The following VWC2 variants were observed in gnomAD, a reference collection of about 807,000 sequenced individuals.
VWC2 encodes von Willebrand factor C domain containing 2, also known as brorin.
Under a neutral mutation model 29.8 loss-of-function variants are expected in VWC2, and 14 were observed. That is an observed-to-expected ratio of 0.47 (90% CI 0.31 to 0.74). The LOEUF is 0.74. Among genes scored for constraint, VWC2 ranks in the 30% least tolerant of loss-of-function variants. VWC2 has a pLI of 0.05. For synonymous variants in VWC2, 213 were observed against 199.0 expected (o/e 1.07, Z -0.59); for missense variants, 457 against 459.8 (o/e 0.99, Z 0.05).
intron 3 of VWC2, among the ~76,000 whole-genome samples, chr7:49,903,393 C>A (rs1792885026): frequency 6.6e-6 from 1 of 152,200 alleles, no homozygotes; most frequent in South Asian, 2.1e-4. Flanking sequence ...CCATGGAATA[C>A]AACTTACCTG....
At chr7:49,908,240 A>G (rs1381756477) in intron 3 of VWC2, among the ~76,000 whole-genome samples, 1 of 152,130 alleles carries the variant, frequency 6.6e-6, no homozygotes, top group African/African-American at 2.4e-5. Flanking sequence ...TGAATTCCAA[A>G]AGGAGGAGGT....
intron 3 of VWC2, among the ~76,000 whole-genome samples, chr7:49,897,174 C>T (rs1391044603): frequency 1.3e-5 from 2 of 152,046 alleles, no homozygotes; most frequent in Non-Finnish European, 2.9e-5. Context: ...GGATTACAGG[C>T]GTGAGCCACC....
In VWC2 at chr7:49,842,551, C is replaced by A. The variant is rs537785388; in HGVS notation, c.826+39711C>A. ...TCAGTGACACAACAGTGAATCCACACCCTTACCTGTAGGATGCTTCCAGAA... is the reference window on the plus strand; with the variant it reads ...TCAGTGACACAACAGTGAATCCACAACCTTACCTGTAGGATGCTTCCAGAA... On this transcript the variant is annotated intron_variant, in intron 3 of 3. Transcript: ENST00000340652. Among the ~76,000 whole-genome samples, 20 of 152,250 alleles carry A rather than the reference C, an allele frequency of 1.3e-4. 1 individual carries two copies. In the South Asian group the frequency reaches 4.1e-3, roughly 32 times the overall value.
chr7:49,798,101 A>G (rs984614063), intron 2 of VWC2, among the ~76,000 whole-genome samples: 3 of 152,246 alleles, frequency 2.0e-5, no homozygotes, highest in African/African-American at 7.2e-5. Flanking sequence ...TGCAGAGTAA[A>G]TGATGTGCTC....
chr7:49,852,021 G>A (rs945848231), intron 3 of VWC2, among the ~76,000 whole-genome samples: 1 of 152,150 alleles, frequency 6.6e-6, no homozygotes, highest in African/African-American at 2.4e-5. Flanking sequence ...TGTCAGCCTA[G>A]GGTCCGGATT....
Position 49,775,629 on chromosome 7 carries a change from C to T in VWC2, c.194C>T (p.Pro65Leu), listed in dbSNP as rs572402721. ...GPGRVNELGRPARDEGGSGRD... is the reference protein window; with the variant it reads ...GPGRVNELGRLARDEGGSGRD... ...GGGCGGGTGAACGAGCTCGGGCGCC[C>T]GGCGAGGGACGAGGGCGGCAGCGGC... Residue 65 changes from proline to leucine, a missense_variant, in exon 2 of 4, where the codon CCG becomes CTG. By Grantham distance (98) the Pro-to-Leu change is moderately conservative. Transcript: ENST00000340652. The T allele has an allele frequency of 4.6e-6, 7 of 1,529,052 alleles. No homozygotes were observed. The highest frequency in any genetic ancestry group is 5.3e-6 in the Non-Finnish European group (6 of 1,141,040). The allele number at this position is 1,529,052 out of a possible 1,614,324, so 94.7% of individuals were successfully genotyped here. A position where few individuals can be genotyped will look rare whatever the true frequency, so the allele number is the denominator to read the frequency against.
In VWC2 at chr7:49,802,817, A is replaced by G; in HGVS notation, c.803A>G (p.Gln268Arg). ...GTGGACCCTGTGTACGAGCCTGATCAGTGCTGTCCCATCTGCAAAAATGGT... is the reference window on the plus strand; with the variant it reads ...GTGGACCCTGTGTACGAGCCTGATCGGTGCTGTCCCATCTGCAAAAATGGT... The part of the protein sequence containing the change: ...ECVDPVYEPD[Q>R]CCPICKNGPN... Residue 268 changes from glutamine (Q) to arginine (R), a missense_variant, in exon 3 of 4, where the codon CAG (glutamine) becomes CGG (arginine). Physicochemically the swap from Gln to Arg is conservative, Grantham distance 43 (BLOSUM62 1). This residue lies in a region of VWC2 where 185 missense variants were observed against 257.1 expected (regional missense o/e 0.72). Coordinates refer to ENST00000340652, the MANE Select transcript of VWC2 (RefSeq NM_198570.5). 1.2e-6 allele frequency: 2 copies of G among 1,614,220 alleles called. No homozygotes were observed. The highest frequency in any genetic ancestry group is 1.7e-6 in the Non-Finnish European group (2 of 1,180,036).
At chr7:49,841,253 T>C (rs959262564) in intron 3 of VWC2, among the ~76,000 whole-genome samples, 3 of 151,870 alleles carry the variant, frequency 2.0e-5, no homozygotes, top group African/African-American at 4.8e-5. Context: ...CTTAGGCTTG[T>C]GGCCATGTTT....
chr7:49,811,888 T>C (rs1789018598), intron 3 of VWC2, among the ~76,000 whole-genome samples: 1 of 152,194 alleles, frequency 6.6e-6, no homozygotes, highest in South Asian at 2.1e-4. Flanking sequence ...TTATTATTCC[T>C]AGAATTATTA....
intron 3 of VWC2, among the ~76,000 whole-genome samples, chr7:49,896,455 C>T (rs1203090517): frequency 1.3e-5 from 2 of 151,986 alleles, no homozygotes; most frequent in South Asian, 4.2e-4. Flanking sequence ...ATTCCTAAAT[C>T]AATAATTAAG....
In VWC2 at chr7:49,921,333, A is replaced by G. The variant is rs1382522547; in HGVS notation, c.*9148A>G. The G allele has an allele frequency of 6.6e-6, 1 of 152,246 alleles. No individual in the cohort carries two copies. The highest frequency in any genetic ancestry group is 2.4e-5 in the African/African-American group (1 of 41,472). 9.4% of individuals were successfully genotyped at this position (152,246 alleles called of 1,614,324 possible). On this transcript the variant is annotated 3_prime_UTR_variant, in exon 4 of 4. Transcript: ENST00000340652. The stretch of plus-strand genomic sequence containing the variant: ...CTGGCCTGAGCCTTACTCCATAGCT[A>G]TAGAGACATAGTCTCTAGAAACAAA...
At position 49,872,978 on chromosome 7, in the gene VWC2, C is replaced by A. The variant is rs550816278; in HGVS notation, c.827-39056C>A. 1.7e-3 allele frequency among the ~76,000 whole-genome samples: 228 copies of A among 135,030 alleles called. 3 individuals carry two copies. The highest frequency in any genetic ancestry group is 5.8e-3 in the African/African-American group (218 of 37,518). 88.6% of individuals were successfully genotyped at this position (135,030 alleles called of 152,430 possible). On this transcript the variant is annotated intron_variant, in intron 3 of 3. Transcript: ENST00000340652. The stretch of plus-strand genomic sequence containing the variant: ...GAATTTGGTATCCAAATAAATAATT[C>A]TCTAAATAATTAATAAAAAAATCTG...
At chr7:49,876,258 A>G (rs1791410878) in intron 3 of VWC2, among the ~76,000 whole-genome samples, 1 of 152,196 alleles carries the variant, frequency 6.6e-6, no homozygotes, top group Admixed American at 6.6e-5. Context: ...ATTTGAAAAT[A>G]TAGGTAAATT....
At chr7:49,788,977 G>C (rs760747961) in intron 2 of VWC2, among the ~76,000 whole-genome samples, 62 of 149,600 alleles carry the variant, frequency 4.1e-4, no homozygotes, top group South Asian at 6.4e-4. Context: ...GTGTGTGTGA[G>C]CATGTGTGTG....
chr7:49,799,418 C>A (rs967023824), intron 2 of VWC2, among the ~76,000 whole-genome samples: 4 of 152,238 alleles, frequency 2.6e-5, no homozygotes, highest in Non-Finnish European at 4.4e-5. Flanking sequence ...GGCTTCTGCC[C>A]AGGCAGAACT....
chr7:49,777,715 C>T (rs1278083650), intron 2 of VWC2, among the ~76,000 whole-genome samples: 1 of 152,160 alleles, frequency 6.6e-6, no homozygotes, highest in Non-Finnish European at 1.5e-5. Context: ...CAAAATGCTT[C>T]CTGCCTACGG....
chr7:49,852,027 G>T (rs987993665), intron 3 of VWC2, among the ~76,000 whole-genome samples: 1 of 152,140 alleles, frequency 6.6e-6, no homozygotes, highest in Admixed American at 6.5e-5. Flanking sequence ...CCTAGGGTCC[G>T]GATTTAATCC....
At position 49,877,481 on chromosome 7, in the gene VWC2, A is replaced by AAAATATACATATATATAT; in HGVS notation, c.827-34552_827-34551insAATATACATATATATATA. Among the ~76,000 whole-genome samples, 26 of 12,732 alleles carry AAAATATACATATATATAT rather than the reference A, an allele frequency of 2.0e-3. 5 individuals carry two copies. Among genetic ancestry groups the AAAATATACATATATATAT allele is most frequent in the East Asian group, 0.011 (2 of 180 alleles). 8.4% of individuals were successfully genotyped at this position (12,732 alleles called of 152,430 possible). A position where few individuals can be genotyped will look rare whatever the true frequency, so the allele number is the denominator to read the frequency against. ...CTGTCTCAAAAAAAAAAAAAAAAAAAATATATATATATATATATATATATA... is the reference window on the plus strand; with the variant it reads ...CTGTCTCAAAAAAAAAAAAAAAAAAAAAATATACATATATATATATATATATATATATATATATATATA... On this transcript the variant is annotated intron_variant, in intron 3 of 3. Transcript: ENST00000340652.
rs780880998 is a variant in VWC2 at position 49,921,379 on chromosome 7, AT to A, written c.*9197del. ...ACAAAGGCCAGAGCATCCTTTTAAC[AT>A]TTATATCATAAGTATTCTCAATAAA... On this transcript the variant is annotated 3_prime_UTR_variant, in exon 4 of 4. Coordinates refer to ENST00000340652, the MANE Select transcript of VWC2 (RefSeq NM_198570.5). 2 of 152,244 alleles carry A rather than the reference AT, an allele frequency of 1.3e-5. No individual in the cohort carries two copies. Among genetic ancestry groups the A allele is most frequent in the African/African-American group, 2.4e-5 (1 of 41,456 alleles). 9.4% of individuals were successfully genotyped at this position (152,244 alleles called of 1,614,324 possible).
Sources: allele counts gnomAD v4.1 joint callset (sites outside exome capture counted in the v4.1 genomes callset), GRCh38; gene constraint gnomAD v4.1.1; regional missense constraint gnomAD v4.1.1; transcripts MANE v1.5; gene names NCBI Gene and HGNC (gene_info 2026-07-23, HGNC 2026-07-21).